COL13A1: variants seen among roughly 807,000 people sequenced by gnomAD.
The protein encoded by COL13A1 is collagen alpha-1(XIII) chain.
A neutral mutation model predicts 130.9 loss-of-function variants in COL13A1; 89 were observed. The observed-to-expected ratio is 0.68, with a 90% CI of 0.57 to 0.81. The LOEUF (loss-of-function observed/expected upper bound fraction) is 0.81, where lower values mean the gene tolerates loss of function less well. Ranked by LOEUF, COL13A1 falls within the 30% of genes least tolerant of loss-of-function variation. The pLI is 0.00. For synonymous variants in COL13A1, 402 were observed against 341.6 expected (o/e 1.18, Z -1.95); for missense variants, 879 against 934.6 (o/e 0.94, Z 0.78).
chr10:69,887,626 C>T, intron 8 of COL13A1, 135 bp downstream of exon 8: 1 of 891,888 alleles, frequency 1.1e-6, no homozygotes, highest in South Asian at 1.6e-5. Context: ...GCTTCTACAG[C>T]CATTCATGGA....
At chr10:69,902,676 A>G (rs2062321717) in intron 14 of COL13A1, 72 bp from the exon 15 acceptor site, 6 of 1,298,270 alleles carry the variant, frequency 4.6e-6, no homozygotes, top group African/African-American at 1.5e-5. Flanking sequence ...CACTGGGTGC[A>G]TGGCCTGAGG....
intron 3 of COL13A1, among the ~76,000 whole-genome samples, chr10:69,871,872 T>C (rs2059103821): frequency 6.6e-6 from 1 of 152,210 alleles, no homozygotes; most frequent in Non-Finnish European, 1.5e-5. Flanking sequence ...TCCTAACAGA[T>C]AGGTAATGAT....
At chr10:69,929,806 G>A (rs2065871239) in intron 28 of COL13A1, among the ~76,000 whole-genome samples, 1 of 152,220 alleles carries the variant, frequency 6.6e-6, no homozygotes, top group Non-Finnish European at 1.5e-5. Context: ...CCCAGACTGG[G>A]ATCCTGGCTC....
chr10:69,911,958 C>A (rs2063426721), intron 17 of COL13A1, among the ~76,000 whole-genome samples: 1 of 152,270 alleles, frequency 6.6e-6, no homozygotes, highest in Non-Finnish European at 1.5e-5. Flanking sequence ...GCGGTTCCCA[C>A]TCCCACTGAG....
At position 69,891,945 on chromosome 10, in the gene COL13A1, C is replaced by G. The variant is rs189533900; in HGVS notation, c.603+2505C>G. Among the ~76,000 whole-genome samples the G allele has an allele frequency of 2.4e-3, 365 of 152,344 alleles. 2 individuals are homozygous for G. The highest frequency in any genetic ancestry group is 8.4e-3 in the African/African-American group (351 of 41,594). On this transcript the variant is annotated intron_variant, in intron 10 of 40. Coordinates refer to ENST00000645393, the MANE Select transcript of COL13A1 (RefSeq NM_001368882.1). ...GAGTCTTACCCCTCGATCACACCTC[C>G]TCTCAGCAGCCAGCACTTTGTCCTG... is the stretch of plus-strand genomic sequence containing the variant.
intron 37 of COL13A1, among the ~76,000 whole-genome samples, chr10:69,945,963 G>A (rs985803636): frequency 6.6e-6 from 1 of 152,012 alleles, no homozygotes; most frequent in Non-Finnish European, 1.5e-5. Context: ...CCAGCTACTC[G>A]GGAGGCTGAG....
Position 69,889,407 on chromosome 10 carries a change from C to T in COL13A1, c.577-7C>T. 1.9e-6 allele frequency: 3 copies of T among 1,610,688 alleles called. No homozygotes were observed. The highest frequency in any genetic ancestry group is 2.5e-6 in the Non-Finnish European group (3 of 1,178,658). On this transcript the variant is annotated splice_polypyrimidine_tract_variant and splice_region_variant and intron_variant, in intron 9 of 40. Coordinates refer to ENST00000645393, the MANE Select transcript of COL13A1 (RefSeq NM_001368882.1). ...TGCACCTGGTACTCACCCTCTTCTC[C>T]TTCCAGGGCCACCCAGGACCAAAGG...
chr10:69,811,220 C>T (rs1842964006), intron 1 of COL13A1, among the ~76,000 whole-genome samples: 1 of 152,212 alleles, frequency 6.6e-6, no homozygotes, highest in African/African-American at 2.4e-5. Context: ...CCACCCCCTC[C>T]CTTCAGGCGC....
intron 1 of COL13A1, among the ~76,000 whole-genome samples, chr10:69,804,742 C>A (rs1329843032): frequency 1.5e-5 from 2 of 133,826 alleles, no homozygotes; most frequent in African/African-American, 2.9e-5. Flanking sequence ...GACACTTTTG[C>A]CCTCCTAAAC....
At chr10:69,824,031 C>A in intron 2 of COL13A1, 1 of 465,260 alleles carries the variant, frequency 2.1e-6, no homozygotes, top group Non-Finnish European at 4.5e-6. Context: ...GAATGCTGGT[C>A]AAGGGCAGGA....
intron 1 of COL13A1, among the ~76,000 whole-genome samples, chr10:69,818,268 C>T (rs991752013): frequency 2.0e-5 from 3 of 152,246 alleles, no homozygotes; most frequent in African/African-American, 7.2e-5. Context: ...CATCTCTCCA[C>T]TGGGTGATGA....
chr10:69,808,467 A>T (rs573148692), intron 1 of COL13A1, among the ~76,000 whole-genome samples: 1 of 152,142 alleles, frequency 6.6e-6, no homozygotes, highest in Admixed American at 6.5e-5. Context: ...CCCAAACGGT[A>T]GCAGATACTA....
intron 1 of COL13A1, among the ~76,000 whole-genome samples, chr10:69,818,343 C>T (rs557293718): frequency 6.6e-6 from 1 of 152,332 alleles, no homozygotes; most frequent in East Asian, 1.9e-4. Flanking sequence ...CAACGGGCTG[C>T]TGGAGTGCCC....
chr10:69,930,449 C>A lies in COL13A1; in HGVS notation c.1580C>A (p.Pro527His), dbSNP rs2065964364. The A allele has an allele frequency of 6.2e-7, 1 of 1,613,624 alleles. No homozygotes were observed. The highest frequency in any genetic ancestry group is 1.1e-5 in the South Asian group (1 of 91,062). Residue 527 changes from proline to histidine, a missense_variant, in exon 30 of 41, where the codon CCC (proline) becomes CAC (histidine). By Grantham distance (77) the Pro-to-His change is moderately conservative (BLOSUM62 -2). This residue lies in a region of COL13A1 where 715 missense variants were observed against 721.0 expected (regional missense o/e 0.99). Transcript: ENST00000645393. ...GDMGPPGPQG[P>H]PGKDGPPGVK... is the part of the protein sequence containing the mutation. ...ATGGGCCCTCCTGGTCCCCAAGGCC[C>A]CCCAGGAAAGGATGGACCTCCAGGA...
chr10:69,854,607 T>G (rs1413722847), intron 2 of COL13A1, among the ~76,000 whole-genome samples: 1 of 151,366 alleles, frequency 6.6e-6, no homozygotes, highest in African/African-American at 2.4e-5. Flanking sequence ...GTCACCAGAC[T>G]CTGGTTAGAG....
intron 13 of COL13A1, 139 bp from the exon 14 acceptor site, chr10:69,898,558 C>G (rs373073206): frequency 1.7e-5 from 11 of 634,698 alleles, no homozygotes; most frequent in Middle Eastern, 5.4e-4. Flanking sequence ...TCCTCATGTG[C>G]ACGCTAATCT....
chr10:69,815,477 C>T (rs1239178256), intron 1 of COL13A1, among the ~76,000 whole-genome samples: 2 of 152,150 alleles, frequency 1.3e-5, no homozygotes, highest in African/African-American at 4.8e-5. Flanking sequence ...GCTTCTCTGC[C>T]GAGGGTAGCT....
rs73267756 is a variant in COL13A1 at position 69,848,573 on chromosome 10, G to A, written c.365-19225G>A. On this transcript the variant is annotated intron_variant, in intron 2 of 40. Transcript: ENST00000645393. The stretch of plus-strand genomic sequence containing the variant: ...CCTTCGATACAGAAGATCACTCACC[G>A]TGTAAGAAAAACACTACTGAGTGAG... Among the ~76,000 whole-genome samples the A allele has an allele frequency of 6.0e-3, 917 of 152,272 alleles. 12 individuals carry two copies. The highest frequency in any genetic ancestry group is 0.021 in the African/African-American group (858 of 41,534).
At chr10:69,899,329 G>T (rs1013598171) in intron 14 of COL13A1, among the ~76,000 whole-genome samples, 11 of 152,190 alleles carry the variant, frequency 7.2e-5, no homozygotes, top group Admixed American at 5.2e-4. Context: ...CAGTTTAAGA[G>T]ACATAATTGT....
Sources: allele counts gnomAD v4.1 joint callset (sites outside exome capture counted in the v4.1 genomes callset), GRCh38; gene constraint gnomAD v4.1.1; regional missense constraint gnomAD v4.1.1; transcripts MANE v1.5; gene names NCBI Gene and HGNC (gene_info 2026-07-23, HGNC 2026-07-21).